The following CASK variants were observed in gnomAD, a reference collection of about 807,000 sequenced individuals.
CASK encodes the protein peripheral plasma membrane protein CASK.
In CASK, 4 loss-of-function variants were observed where a neutral mutation model predicts 82.9. That is an observed-to-expected ratio of 0.05 (90% CI 0.02 to 0.11). The LOEUF (loss-of-function observed/expected upper bound fraction) is 0.11. CASK is among the 10% of genes least tolerant of loss of function. The pLI, the probability that CASK is intolerant of heterozygous loss-of-function variation, is 1.00. For missense variants in CASK, 358 were observed against 720.9 expected, an observed-to-expected ratio of 0.50 and a Z score of 5.76; for synonymous variants, 259 against 253.5, an observed-to-expected ratio of 1.02 and a Z score of -0.20.
chrX:41,667,211 G>A (rs934296898), intron 6 of CASK, among the ~76,000 whole-genome samples: 2 of 111,728 alleles, frequency 1.8e-5, no homozygotes, highest in African/African-American at 6.5e-5. Flanking sequence ...CTGTTGTTTG[G>A]TTCAATAATT....
chrX:41,607,904 G>A (rs190623428), intron 12 of CASK, among the ~76,000 whole-genome samples: 39 of 112,122 alleles, frequency 3.5e-4, no homozygotes, highest in African/African-American at 1.3e-3. Context: ...ACTGTGAAGT[G>A]AGCAAGAAGT....
At chrX:41,822,578 A>G (rs1349084956) in intron 2 of CASK, among the ~76,000 whole-genome samples, 6 of 108,520 alleles carry the variant, frequency 5.5e-5, no homozygotes, top group Non-Finnish European at 1.1e-4. Context: ...AAAAAAAAAA[A>G]AAAAGAAAAA....
intron 2 of CASK, among the ~76,000 whole-genome samples, chrX:41,813,814 A>C (rs1219985588): frequency 1.3e-4 from 15 of 111,888 alleles, no homozygotes; most frequent in East Asian, 5.6e-4. Flanking sequence ...CAACCTACAG[A>C]ATGGGAGAAA....
In CASK at chrX:41,586,825, C is replaced by A. The variant is rs151162738; in HGVS notation, c.1314+82G>T. 80 of 598,580 alleles carry A rather than the reference C, an allele frequency of 1.3e-4. No individual in the cohort carries two copies. In the African/African-American group the frequency reaches 1.5e-3, roughly 11 times the overall value. The allele number at this position is 598,580 out of a possible 1,213,427, so 49.3% of individuals were successfully genotyped here. On this transcript the variant is annotated intron_variant, in intron 14 of 26. Coordinates refer to ENST00000378163, the MANE Select transcript of CASK (RefSeq NM_001367721.1). ...ATGGATAAAAATGCATGAGATGAAG[C>A]TGGCTACATTTTATGAGGGTAGTTT... is the stretch of plus-strand genomic sequence containing the variant.
chrX:41,896,009 T>C (rs2072264192), intron 1 of CASK, among the ~76,000 whole-genome samples: 1 of 111,272 alleles, frequency 9.0e-6, no homozygotes, highest in African/African-American at 3.3e-5. Context: ...TCTGGAGAGG[T>C]TGAATCAGAG....
intron 1 of CASK, among the ~76,000 whole-genome samples, chrX:41,920,877 C>T (rs963301447): frequency 2.7e-5 from 3 of 112,025 alleles, no homozygotes; most frequent in African/African-American, 9.7e-5. Context: ...CCAATTATGA[C>T]TTTGTTAGTT....
intron 9 of CASK, among the ~76,000 whole-genome samples, chrX:41,629,638 A>C (rs1395321173): frequency 8.9e-6 from 1 of 111,976 alleles, no homozygotes; most frequent in East Asian, 2.8e-4. Flanking sequence ...TCTAAAGGTC[A>C]TATGATCTCT....
chrX:41,819,540 A>G (rs2070486037), intron 2 of CASK, among the ~76,000 whole-genome samples: 2 of 111,580 alleles, frequency 1.8e-5, no homozygotes, highest in Admixed American at 1.9e-4. Context: ...AAGAAAAAGT[A>G]ATAGCAATCC....
At chrX:41,858,179 G>A (rs1402889798) in intron 1 of CASK, among the ~76,000 whole-genome samples, 1 of 111,753 alleles carries the variant, frequency 8.9e-6, no homozygotes, top group African/African-American at 3.3e-5. Context: ...GGAATCCCCA[G>A]GAATGCAAGG....
intron 3 of CASK, among the ~76,000 whole-genome samples, chrX:41,746,485 A>G (rs1055243471): frequency 5.4e-5 from 6 of 111,116 alleles, no homozygotes; most frequent in African/African-American, 2.0e-4. Context: ...TATGGTCCAT[A>G]ACATTTAGCA....
intron 6 of CASK, 122 bp from the exon 7 acceptor site, chrX:41,665,574 A>T (rs2067103925): frequency 3.9e-6 from 2 of 515,577 alleles, no homozygotes; most frequent in Non-Finnish European, 6.4e-6. Context: ...TACTCTCACC[A>T]CTCCTCCACC....
intron 5 of CASK, chrX:41,675,883 A>G (rs2067257804): frequency 1.6e-5 from 19 of 1,203,332 alleles, no homozygotes; most frequent in Non-Finnish European, 2.0e-5. Flanking sequence ...CAATTAATGT[A>G]TCAAGTTCAG....
chrX:41,696,154 T>C, intron 5 of CASK: 1 of 1,208,172 alleles, frequency 8.3e-7, no homozygotes. Flanking sequence ...AGTATTTATG[T>C]CTGTTGTATA....
intron 12 of CASK, among the ~76,000 whole-genome samples, chrX:41,598,524 G>A (rs1003912056): frequency 7.3e-5 from 8 of 110,224 alleles, no homozygotes; most frequent in African/African-American, 2.6e-4. Flanking sequence ...GCTAATTTTT[G>A]TATTTTATTT....
chrX:41,743,710 T>A (rs911755622), intron 4 of CASK: 1 of 296,194 alleles, frequency 3.4e-6, no homozygotes, highest in African/African-American at 2.7e-5. Flanking sequence ...GTCTCCAAGT[T>A]GTTTCCAGCT....
intron 5 of CASK, among the ~76,000 whole-genome samples, chrX:41,680,468 G>A (rs1031012050): frequency 1.6e-4 from 17 of 109,187 alleles, no homozygotes; most frequent in African/African-American, 4.3e-4. Flanking sequence ...GCGACAAAGC[G>A]AGACTCTGTC....
chrX:41,715,345 C>T (rs759652749), intron 5 of CASK, among the ~76,000 whole-genome samples: 1 of 111,815 alleles, frequency 8.9e-6, no homozygotes, highest in African/African-American at 3.2e-5. Context: ...CTTGGCTGGA[C>T]GTGGTGGCTC....
chrX:41,854,500 C>T (rs748182674), intron 1 of CASK, among the ~76,000 whole-genome samples: 10 of 112,541 alleles, frequency 8.9e-5, no homozygotes, highest in Non-Finnish European at 1.5e-4. Context: ...AAACCACCTT[C>T]ATTCGCTTAT....
At chrX:41,726,285 A>AC (rs1253633406) in intron 5 of CASK, among the ~76,000 whole-genome samples, 1 of 112,340 alleles carries the variant, frequency 8.9e-6, no homozygotes, top group African/African-American at 3.2e-5. Context: ...GTAAACTTTT[A>AC]TTGAAGTATG....
Sources: allele counts gnomAD v4.1 joint callset (sites outside exome capture counted in the v4.1 genomes callset), GRCh38; gene constraint gnomAD v4.1.1; transcripts MANE v1.5; gene names NCBI Gene and HGNC (gene_info 2026-07-23, HGNC 2026-07-21).